The following PTPRA variants were observed in gnomAD, a reference collection of about 807,000 sequenced individuals.
PTPRA encodes receptor-type tyrosine-protein phosphatase alpha.
Under a neutral mutation model 104.8 loss-of-function variants are expected in PTPRA, and 25 were observed. That is an observed-to-expected ratio of 0.24 (90% CI 0.17 to 0.33). PTPRA has a LOEUF of 0.33. Ranked by LOEUF, PTPRA falls within the 10% of genes least tolerant of loss-of-function variation. PTPRA has a pLI of 1.00. For missense variants in PTPRA, 765 were observed against 1,015.3 expected, an observed-to-expected ratio of 0.75 and a Z score of 3.35; for synonymous variants, 323 against 368.9, an observed-to-expected ratio of 0.88 and a Z score of 1.43.
At chr20:2,945,921 T>G (rs1375322358) in intron 2 of PTPRA, among the ~76,000 whole-genome samples, 3 of 151,758 alleles carry the variant, frequency 2.0e-5, no homozygotes. Flanking sequence ...AGAGTGAGAC[T>G]CCATCTCAAT....
intron 1 of PTPRA, among the ~76,000 whole-genome samples, chr20:2,911,034 G>A (rs2059705606): frequency 6.6e-6 from 1 of 151,234 alleles, no homozygotes; most frequent in African/African-American, 2.4e-5. Context: ...GGTATTACAG[G>A]TATGAGCCAC....
intron 6 of PTPRA, among the ~76,000 whole-genome samples, chr20:2,983,304 G>A (rs1312854809): frequency 6.6e-6 from 1 of 152,148 alleles, no homozygotes; most frequent in Non-Finnish European, 1.5e-5. Flanking sequence ...CTGAAATTGA[G>A]TGAGCAAGGA....
At chr20:2,997,377 TAAATC>T (rs960162255) in intron 9 of PTPRA, among the ~76,000 whole-genome samples, 62 of 152,314 alleles carry the variant, frequency 4.1e-4, no homozygotes, top group African/African-American at 1.4e-3. Context: ...ATATGGGAAA[TAAATC>T]TAATGGACTT....
intron 2 of PTPRA, among the ~76,000 whole-genome samples, chr20:2,935,449 G>T (rs918400877): frequency 5.3e-5 from 8 of 152,112 alleles, no homozygotes; most frequent in African/African-American, 1.9e-4. Context: ...GAATAATGCT[G>T]CAATGAACAT....
At chr20:3,021,453 A>C (rs1321311309) in intron 14 of PTPRA, 25 bp downstream of exon 14, 4 of 1,612,952 alleles carry the variant, frequency 2.5e-6, no homozygotes, top group East Asian at 2.2e-5. Context: ...GTCCTTTCTC[A>C]GTTCTTATGT....
chr20:3,015,508 T>C (rs2148377124), intron 11 of PTPRA, among the ~76,000 whole-genome samples: 1 of 152,182 alleles, frequency 6.6e-6, no homozygotes, highest in South Asian at 2.1e-4. Context: ...GGTTTCACCA[T>C]GTTGGCCCCA....
chr20:2,916,006 A>G (rs902831984), intron 1 of PTPRA, among the ~76,000 whole-genome samples: 1 of 152,134 alleles, frequency 6.6e-6, no homozygotes, highest in African/African-American at 2.4e-5. Context: ...TTATAGTTGT[A>G]GCTTTTTAAG....
intron 1 of PTPRA, among the ~76,000 whole-genome samples, chr20:2,884,803 GTTTTTTTTGTT>G (rs919246273): frequency 1.8e-5 from 2 of 112,666 alleles, no homozygotes; most frequent in South Asian, 3.5e-4. Context: ...GGTTTTTTTT[GTTTTTTTTGTT>G]TTTTTTTTTT....
chr20:2,905,282 G>A (rs2059383480), intron 1 of PTPRA, among the ~76,000 whole-genome samples: 1 of 152,162 alleles, frequency 6.6e-6, no homozygotes, highest in South Asian at 2.1e-4. Flanking sequence ...GGAGACCGCT[G>A]ATAATAGAGT....
chr20:2,864,751 C>A, the PTPRA span: 2 of 1,328,850 alleles, frequency 1.5e-6, no homozygotes, highest in Non-Finnish European at 2.1e-6. This position sits in a 1 kb window ranked among gnomAD's most constrained non-coding sequence, Gnocchi z 5.2. Context: ...GTTGGGTGCA[C>A]ACTCCATCTG....
intron 1 of PTPRA, among the ~76,000 whole-genome samples, chr20:2,897,388 T>C (rs1031302090): frequency 4.8e-5 from 7 of 146,668 alleles, no homozygotes; most frequent in South Asian, 2.2e-4. Context: ...GCATTTCTTT[T>C]TTTTTTTTTT....
In PTPRA at chr20:2,935,938, G is replaced by A. The variant is rs371281545; in HGVS notation, c.-49-12044G>A. On this transcript the variant is annotated intron_variant, in intron 2 of 23. Transcript: ENST00000399903. Reference sequence around the variant, plus strand: ...AGGCTGAGAGGCAGGAGAATCACTTGAACCCGGGAGGCAGAGGTTGCAGTA... The same window carrying A: ...AGGCTGAGAGGCAGGAGAATCACTTAAACCCGGGAGGCAGAGGTTGCAGTA... Among the ~76,000 whole-genome samples, 3 of 151,924 alleles carry A rather than the reference G, an allele frequency of 2.0e-5. No individual in the cohort carries two copies. In the South Asian group the frequency reaches 6.2e-4, roughly 32 times the overall value.
intron 6 of PTPRA, among the ~76,000 whole-genome samples, chr20:2,986,140 C>T (rs1384570436): frequency 6.6e-6 from 1 of 152,164 alleles, no homozygotes; most frequent in Non-Finnish European, 1.5e-5. Context: ...TACCTTGGCT[C>T]AAGCAATCCA....
intron 9 of PTPRA, among the ~76,000 whole-genome samples, chr20:2,999,834 G>A (rs909444903): frequency 3.3e-5 from 5 of 152,078 alleles, no homozygotes; most frequent in African/African-American, 9.7e-5. Flanking sequence ...TTGATAAAAG[G>A]GAAGATTGAT....
chr20:2,919,959 G>C (rs1379206267), intron 1 of PTPRA, among the ~76,000 whole-genome samples: 3 of 152,154 alleles, frequency 2.0e-5, no homozygotes, highest in African/African-American at 7.2e-5. Context: ...TCATAAATAA[G>C]GTTTTATTAG....
the PTPRA span, chr20:2,865,016 C>T: frequency 3.3e-5 from 54 of 1,614,028 alleles, 1 homozygote; most frequent in South Asian, 3.3e-5. The surrounding 1 kb of genome is among the most constrained non-coding windows in gnomAD (Gnocchi z 5.2). Context: ...AGACAGCCGC[C>T]GATGCCTTCT....
chr20:2,899,448 G>GT (rs147279730), intron 1 of PTPRA, among the ~76,000 whole-genome samples: 4,108 of 148,900 alleles, frequency 0.028, 163 homozygotes, highest in African/African-American at 0.082. Flanking sequence ...GGATGGGTGA[G>GT]TTTTTTTTTT....
chr20:3,018,543 A>G (rs1379263675), intron 13 of PTPRA, among the ~76,000 whole-genome samples: 1 of 151,814 alleles, frequency 6.6e-6, no homozygotes, highest in African/African-American at 2.4e-5. Context: ...GGTTGGGGGT[A>G]AGGTCACAGA....
At chr20:2,885,075 A>T (rs1438207787) in intron 1 of PTPRA, among the ~76,000 whole-genome samples, 1 of 152,204 alleles carries the variant, frequency 6.6e-6, no homozygotes, top group African/African-American at 2.4e-5. Flanking sequence ...TGCTGGGATT[A>T]CAGGCACAAG....
Sources: gnomAD v4.1 joint callset for allele counts (sites outside exome capture counted in the v4.1 genomes callset) on GRCh38, gnomAD v4.1.1 for gene constraint, Gnocchi (gnomAD v3.1) non-coding constraint, MANE v1.5 for transcripts, NCBI Gene and HGNC (gene_info 2026-07-23, HGNC 2026-07-21) for gene names.